Variants in CSMD1 observed in about 807,000 individuals in gnomAD.
The protein encoded by CSMD1 is CUB and Sushi multiple domains 1.
In CSMD1, 213 loss-of-function variants were observed where a neutral mutation model predicts 417.5. The ratio of observed to expected loss-of-function variants is 0.51; its 90% CI spans 0.46 to 0.57. The LOEUF (loss-of-function observed/expected upper bound fraction) is 0.57, where lower values mean the gene tolerates loss of function less well. Ranked by LOEUF, CSMD1 falls within the 20% of genes least tolerant of loss-of-function variation. The pLI is 0.00. For synonymous variants in CSMD1, 2,862 were observed against 1,736.8 expected (o/e 1.65, Z -16.11); for missense variants, 6,923 against 4,529.7 (o/e 1.53, Z -15.17).
intron 1 of CSMD1, among the ~76,000 whole-genome samples, chr8:4,794,412 A>C (rs1204470210): frequency 6.6e-6 from 1 of 152,158 alleles, no homozygotes; most frequent in African/African-American, 2.4e-5. Context: ...TATTACATTT[A>C]ATTATCTTAT....
intron 3 of CSMD1, among the ~76,000 whole-genome samples, chr8:4,144,134 C>T (rs900918524): frequency 1.3e-5 from 2 of 151,064 alleles, no homozygotes; most frequent in African/African-American, 4.9e-5. Flanking sequence ...TGCCCCCAGA[C>T]CCAGATGTTT....
chr8:3,750,814 C>A (rs1240186238), intron 6 of CSMD1, among the ~76,000 whole-genome samples: 1 of 152,168 alleles, frequency 6.6e-6, no homozygotes, highest in African/African-American at 2.4e-5. Context: ...CTGTCTCCAG[C>A]TGTCCTTAGG....
At chr8:3,050,926 T>A (rs1811779190) in intron 50 of CSMD1, among the ~76,000 whole-genome samples, 1 of 152,110 alleles carries the variant, frequency 6.6e-6, no homozygotes, top group Admixed American at 6.6e-5. Context: ...AAAAATATCA[T>A]TGTAAATAAG....
At chr8:3,425,462 C>T (rs916984572) in intron 12 of CSMD1, among the ~76,000 whole-genome samples, 1 of 151,846 alleles carries the variant, frequency 6.6e-6, no homozygotes, top group African/African-American at 2.4e-5. Context: ...GTGGCACCTG[C>T]CTGTAATCTC....
intron 23 of CSMD1, among the ~76,000 whole-genome samples, chr8:3,311,051 T>C (rs4875592): frequency 0.91 from 137,876 of 152,162 alleles, 62,750 homozygotes; most frequent in Middle Eastern, 0.96. Context: ...ATAAACCCAT[T>C]AAGAGTGGGA....
rs373190230 is a variant in CSMD1 at position 4,977,689 on chromosome 8, G to A, written c.85+16643C>T. Among the ~76,000 whole-genome samples, 45 of 152,280 alleles carry A rather than the reference G, an allele frequency of 3.0e-4. No individual in the cohort carries two copies. In the South Asian group the frequency reaches 4.4e-3, roughly 15 times the overall value. On this transcript the variant is annotated intron_variant, in intron 1 of 69. Transcript: ENST00000635120. The stretch of plus-strand genomic sequence containing the variant: ...TAGTTGACATAATTGTTAAGTGAGC[G>A]CCTCCTAAGGAGGTCCCATTTGAAA...
intron 26 of CSMD1, among the ~76,000 whole-genome samples, chr8:3,268,287 C>CTTTTTTTTTTTTTTTTTTTTTT (rs1172040830): frequency 8.7e-6 from 1 of 114,650 alleles, no homozygotes; most frequent in Non-Finnish European, 1.7e-5. Context: ...GGTTCATTTC[C>CTTTTTTTTTTTTTTTTTTTTTT]TATTTTTTTT....
At chr8:4,837,396 G>C (rs184359753) in intron 1 of CSMD1, among the ~76,000 whole-genome samples, 8 of 152,260 alleles carry the variant, frequency 5.3e-5, no homozygotes, top group African/African-American at 1.2e-4. Context: ...AGACACCATG[G>C]AGTACTATTC....
chr8:3,643,609 G>C (rs1041863329), intron 7 of CSMD1, among the ~76,000 whole-genome samples: 1 of 150,416 alleles, frequency 6.6e-6, no homozygotes, highest in Non-Finnish European at 1.5e-5. Context: ...GCTGAGGCAG[G>C]AGAATGGCGT....
At chr8:4,773,706 A>C (rs966558914) in intron 1 of CSMD1, among the ~76,000 whole-genome samples, 1 of 152,186 alleles carries the variant, frequency 6.6e-6, no homozygotes, top group Non-Finnish European at 1.5e-5. Context: ...CTAGTGTATA[A>C]GCACCACTCT....
chr8:3,166,787 A>C (rs540033636), intron 37 of CSMD1, among the ~76,000 whole-genome samples: 1 of 152,336 alleles, frequency 6.6e-6, no homozygotes, highest in African/African-American at 2.4e-5. Context: ...AGGCAGACTA[A>C]AAAGAACTCA....
At chr8:3,998,289 A>G (rs1002626830) in intron 4 of CSMD1, among the ~76,000 whole-genome samples, 179 bp from the exon 5 acceptor site, 1 of 152,072 alleles carries the variant, frequency 6.6e-6, no homozygotes, top group African/African-American at 2.4e-5. Flanking sequence ...GGCTTACAAG[A>G]CTCTAACATT....
chr8:4,273,218 C>A (rs1018893452), intron 3 of CSMD1, among the ~76,000 whole-genome samples: 1 of 152,096 alleles, frequency 6.6e-6, no homozygotes, highest in Non-Finnish European at 1.5e-5. Context: ...GAATGACAGT[C>A]TTTCTCATAA....
In CSMD1 at chr8:4,358,407, G is replaced by A. The variant is rs921789428; in HGVS notation, c.415+61546C>T. The stretch of plus-strand genomic sequence containing the variant: ...AAAGAAGGGGACTGTTTCGTGACAC[G>A]TGAAAATATATGAAATTCAAATTTC... On this transcript the variant is annotated intron_variant, in intron 3 of 69. Coordinates refer to ENST00000635120, the MANE Select transcript of CSMD1 (RefSeq NM_033225.6). 3.3e-5 allele frequency among the ~76,000 whole-genome samples: 5 copies of A among 152,028 alleles called. No individual in the cohort carries two copies. The South Asian group carries it at 6.2e-4, about 19-fold the overall frequency.
intron 33 of CSMD1, among the ~76,000 whole-genome samples, chr8:3,196,788 G>T (rs1377199877): frequency 2.0e-5 from 3 of 152,104 alleles, no homozygotes; most frequent in East Asian, 3.9e-4. Context: ...TTCCATCACT[G>T]GAGACCAGTG....
chr8:3,703,150 G>C (rs1316575410), intron 7 of CSMD1, among the ~76,000 whole-genome samples: 3 of 152,124 alleles, frequency 2.0e-5, no homozygotes, highest in South Asian at 4.2e-4. Flanking sequence ...TGGTGAAAAA[G>C]GAAATTCTAA....
At chr8:4,203,113 G>C (rs1049746119) in intron 3 of CSMD1, among the ~76,000 whole-genome samples, 3 of 152,188 alleles carry the variant, frequency 2.0e-5, no homozygotes, top group East Asian at 3.8e-4. Context: ...GTTCCCTGTT[G>C]TCATAACATT....
intron 2 of CSMD1, among the ~76,000 whole-genome samples, chr8:4,476,527 A>G (rs894846255): frequency 6.6e-6 from 1 of 152,212 alleles, no homozygotes; most frequent in Non-Finnish European, 1.5e-5. Context: ...GGAGTTCTAA[A>G]ATATGTATTT....
intron 3 of CSMD1, among the ~76,000 whole-genome samples, chr8:4,056,723 C>T (rs1005690928): frequency 6.6e-6 from 1 of 151,564 alleles, no homozygotes; most frequent in Admixed American, 6.6e-5. Context: ...GTGTGATGTA[C>T]CCCTTCCTGT....
Sources: gnomAD v4.1 joint callset for allele counts (sites outside exome capture counted in the v4.1 genomes callset) on GRCh38, gnomAD v4.1.1 for gene constraint, MANE v1.5 for transcripts, NCBI Gene and HGNC (gene_info 2026-07-23, HGNC 2026-07-21) for gene names.